Variants in PRKCB observed in about 807,000 individuals in gnomAD.
The protein encoded by PRKCB is protein kinase C beta, also known as protein kinase C beta type.
Under a neutral mutation model 81.5 loss-of-function variants are expected in PRKCB, and 13 were observed. The observed-to-expected ratio is 0.16, with a 90% confidence interval of 0.10 to 0.25. The LOEUF is 0.25. PRKCB is among the 10% of genes least tolerant of loss of function. The pLI, the probability that PRKCB is intolerant of heterozygous loss-of-function variation, is 1.00. For synonymous variants in PRKCB, 335 were observed against 321.4 expected (o/e 1.04, Z -0.45); for missense variants, 509 against 875.7 (o/e 0.58, Z 5.29).
At chr16:23,847,369 TATCTATCTGTCC>T (rs1398819803) in intron 2 of PRKCB, among the ~76,000 whole-genome samples, 8 of 6,812 alleles carry the variant, frequency 1.2e-3, no homozygotes, top group Admixed American at 3.9e-3. Flanking sequence ...TCTATCTATC[TATCTATCTGTCC>T]ATCTATCTAT....
intron 3 of PRKCB, among the ~76,000 whole-genome samples, chr16:24,020,877 C>A (rs1965348243): frequency 6.6e-6 from 1 of 152,240 alleles, no homozygotes; most frequent in South Asian, 2.1e-4. Flanking sequence ...TGCCTCATTT[C>A]AGCTTCCTTA....
rs921545928 is a variant in PRKCB at position 23,890,718 on chromosome 16, C to G, written c.205+53312C>G. 1.8e-4 allele frequency among the ~76,000 whole-genome samples: 27 copies of G among 152,160 alleles called. 1 individual carries two copies. The highest frequency in any genetic ancestry group is 5.9e-5 in the Non-Finnish European group (4 of 68,038). ...GTGGACTTGCCTCTATGGGACACTT[C>G]CTCCCCATCCTGCCTGAAGAGGAAA... On this transcript the variant is annotated intron_variant, in intron 2 of 16. Coordinates refer to ENST00000643927, the MANE Select transcript of PRKCB (RefSeq NM_002738.7).
chr16:24,215,622 CT>C lies in PRKCB; in HGVS notation c.*807del. 11 of 983,770 alleles carry C rather than the reference CT, an allele frequency of 1.1e-5. No individual in the cohort carries two copies. The highest frequency in any genetic ancestry group is 1.3e-5 in the Non-Finnish European group (11 of 829,458). 60.9% of individuals were successfully genotyped at this position (983,770 alleles called of 1,614,324 possible). On this transcript the variant is annotated 3_prime_UTR_variant, in exon 17 of 17. Transcript: ENST00000643927. ...CTTTATTTGCTTTGGGGTTTTGTTT[CT>C]GTTGTTGTTCAAATGCAAAAAAAAG...
chr16:24,162,295 C>A (rs1444246463), intron 10 of PRKCB, among the ~76,000 whole-genome samples: 1 of 152,130 alleles, frequency 6.6e-6, no homozygotes, highest in Middle Eastern at 3.4e-3. Context: ...GCAGCAGTAC[C>A]CAAGGATATG....
At chr16:24,201,837 C>G (rs1038555908) in intron 16 of PRKCB, among the ~76,000 whole-genome samples, 86 of 152,058 alleles carry the variant, frequency 5.7e-4, no homozygotes, top group African/African-American at 2.0e-3. Context: ...AGATCGAGAC[C>G]ATCTTGGCTA....
At chr16:23,840,997 G>A (rs1962253939) in intron 2 of PRKCB, among the ~76,000 whole-genome samples, 1 of 152,160 alleles carries the variant, frequency 6.6e-6, no homozygotes, top group Admixed American at 6.5e-5. Context: ...TTGTAAAATT[G>A]CCTAAATTCT....
chr16:23,912,988 C>A (rs188281166), intron 2 of PRKCB, among the ~76,000 whole-genome samples: 12 of 152,116 alleles, frequency 7.9e-5, no homozygotes, highest in Admixed American at 3.3e-4. Flanking sequence ...CCACGCCCAG[C>A]TAATTGTTGT....
intron 2 of PRKCB, among the ~76,000 whole-genome samples, chr16:23,875,337 C>G (rs567057822): frequency 6.6e-6 from 1 of 151,946 alleles, no homozygotes; most frequent in Non-Finnish European, 1.5e-5. Context: ...CCATGCCCAG[C>G]CTCTCTGTGT....
chr16:24,066,686 A>G (rs1168165325), intron 5 of PRKCB, among the ~76,000 whole-genome samples: 1 of 152,038 alleles, frequency 6.6e-6, no homozygotes, highest in Non-Finnish European at 1.5e-5. Context: ...ACCAAATTAC[A>G]TTAAGTTGTC....
chr16:23,869,797 G>A (rs1284410850), intron 2 of PRKCB, among the ~76,000 whole-genome samples: 1 of 152,066 alleles, frequency 6.6e-6, no homozygotes, highest in African/African-American at 2.4e-5. Context: ...TGAGGTGGGC[G>A]GATCACCTGG....
chr16:23,837,328 C>A, intron 1 of PRKCB, 47 bp from the exon 2 acceptor site: 3 of 1,611,852 alleles, frequency 1.9e-6, no homozygotes, highest in Non-Finnish European at 2.5e-6. Flanking sequence ...TAGCTGGAGG[C>A]TGGGCCCCCC....
intron 3 of PRKCB, among the ~76,000 whole-genome samples, chr16:24,002,320 TGTGC>T (rs201743545): frequency 1.1e-3 from 135 of 125,168 alleles, no homozygotes; most frequent in African/African-American, 3.3e-3. Context: ...TGTATGTGTG[TGTGC>T]GTGCGTGTGT....
chr16:23,863,241 CAT>C (rs760644771), intron 2 of PRKCB, among the ~76,000 whole-genome samples: 4,491 of 83,968 alleles, frequency 0.053, 107 homozygotes, highest in Admixed American at 0.081. Flanking sequence ...TATATATATA[CAT>C]ATATATACAC....
intron 2 of PRKCB, among the ~76,000 whole-genome samples, chr16:23,908,844 T>G (rs1217459859): frequency 1.3e-5 from 2 of 152,070 alleles, no homozygotes; most frequent in East Asian, 1.9e-4. Flanking sequence ...TTCAAAACAC[T>G]CCTCACCCAC....
intron 2 of PRKCB, among the ~76,000 whole-genome samples, chr16:23,887,972 G>C (rs1222928727): frequency 6.6e-6 from 1 of 152,096 alleles, no homozygotes; most frequent in South Asian, 2.1e-4. Flanking sequence ...TCTCCAGCAG[G>C]GTCCCCATGA....
At chr16:23,885,276 T>C (rs1017784307) in intron 2 of PRKCB, among the ~76,000 whole-genome samples, 1 of 152,178 alleles carries the variant, frequency 6.6e-6, no homozygotes, top group African/African-American at 2.4e-5. Context: ...GGAGATCCTG[T>C]GGCTTTTTAC....
intron 5 of PRKCB, among the ~76,000 whole-genome samples, chr16:24,076,085 A>T (rs550407893): frequency 6.6e-6 from 1 of 152,250 alleles, no homozygotes; most frequent in South Asian, 2.1e-4. Context: ...ACATTAGGAG[A>T]TCATGCATTT....
chr16:24,123,911 G>C lies in PRKCB; in HGVS notation c.995G>C (p.Gly332Ala), dbSNP rs149128755. The change falls in exon 9 of 17, where the codon GGC (glycine) becomes GCC (alanine). Residue 332 changes from glycine to alanine, a missense_variant. By Grantham distance (60) the Gly-to-Ala change is moderately conservative. Around this residue, in one of 6 missense-constraint regions of PRKCB, gnomAD observed 80 missense variants for 89.4 expected, o/e 0.90. Transcript: ENST00000643927. The part of the protein sequence containing the change: ...TNTVSKFDNN[G>A]NRDRMKLTDF... Reference sequence around the variant, plus strand: ...ACTGTCTCCAAATTTGACAACAATGGCAACAGAGACCGGATGAAACTGACC... The same window carrying C: ...ACTGTCTCCAAATTTGACAACAATGCCAACAGAGACCGGATGAAACTGACC... 2.6e-4 allele frequency: 419 copies of C among 1,614,060 alleles called. No homozygotes were observed. The highest frequency in any genetic ancestry group is 3.3e-4 in the Non-Finnish European group (388 of 1,180,032).
At chr16:24,091,219 T>C (rs1251089382) in intron 5 of PRKCB, among the ~76,000 whole-genome samples, 1 of 152,252 alleles carries the variant, frequency 6.6e-6, no homozygotes, top group Non-Finnish European at 1.5e-5. Context: ...TTCTCTGCTG[T>C]TTCTAGATAA....
Sources: gnomAD v4.1 joint callset for allele counts (sites outside exome capture counted in the v4.1 genomes callset) on GRCh38, gnomAD v4.1.1 for gene constraint, gnomAD v4.1.1 regional missense constraint, MANE v1.5 for transcripts, NCBI Gene and HGNC (gene_info 2026-07-23, HGNC 2026-07-21) for gene names.